The following USP45 variants were observed in gnomAD, a reference collection of about 807,000 sequenced individuals.
USP45 encodes the protein ubiquitin specific peptidase 45.
A neutral mutation model predicts 95.8 loss-of-function variants in USP45; 89 were observed. The ratio of observed to expected loss-of-function variants is 0.93; its 90% confidence interval spans 0.78 to 1.11. The LOEUF (loss-of-function observed/expected upper bound fraction) is 1.11. Ranked by LOEUF, USP45 falls within the 50% of genes least tolerant of loss-of-function variation. USP45 has a pLI of 0.00. For missense variants in USP45, 898 were observed against 942.5 expected, an observed-to-expected ratio of 0.95 and a Z score of 0.62; for synonymous variants, 281 against 316.2, an observed-to-expected ratio of 0.89 and a Z score of 1.18.
intron 13 of USP45, among the ~76,000 whole-genome samples, chr6:99,455,182 C>G (rs1227739758): frequency 6.6e-6 from 1 of 152,062 alleles, no homozygotes; most frequent in Admixed American, 6.6e-5. Context: ...TGGCTCACAC[C>G]TGTAATCCCA....
chr6:99,503,336 T>A (rs1450385498), intron 5 of USP45, among the ~76,000 whole-genome samples: 2 of 152,040 alleles, frequency 1.3e-5, no homozygotes, highest in African/African-American at 4.8e-5. Flanking sequence ...ATTTTTTTTT[T>A]TTTTTCTTGA....
intron 8 of USP45, among the ~76,000 whole-genome samples, chr6:99,479,635 GA>G (rs1355299398): frequency 2.4e-5 from 3 of 124,716 alleles, no homozygotes; most frequent in Admixed American, 7.8e-5. Flanking sequence ...TTTGGATACA[GA>G]AAAAGCATTT....
At position 99,444,870 on chromosome 6, in the gene USP45, T is replaced by C. The variant is rs556389353; in HGVS notation, c.1975+927A>G. On this transcript the variant is annotated intron_variant, in intron 14 of 17. Coordinates refer to ENST00000500704, the MANE Select transcript of USP45 (RefSeq NM_001346022.3). ...TTCTTGGGAACTATGAATAACACAC[T>C]ATTTCTTCAGTGGCAATTATCTCCT... 1.9e-3 allele frequency among the ~76,000 whole-genome samples: 284 copies of C among 152,308 alleles called. 2 individuals are homozygous for C. The highest frequency in any genetic ancestry group is 2.1e-3 in the South Asian group (10 of 4,824).
At position 99,508,662 on chromosome 6, in the gene USP45, C is replaced by T; in HGVS notation, c.221G>A (p.Gly74Glu). Residue 74 changes from glycine (G) to glutamate (E), a missense_variant, in exon 3 of 18, where the codon GGG (glycine) becomes GAG (glutamate). By Grantham distance (98) the Gly-to-Glu change is moderately conservative. Coordinates refer to ENST00000500704, the MANE Select transcript of USP45 (RefSeq NM_001346022.3). ...AATATCAGAAGTAAGTACTAGCTGC[C>T]CATCATAGAATCTTCTTTCTTTTAA... ...ECLKERRFYD[G>E]QLVLTSDIWL... 4 of 1,613,756 alleles carry T rather than the reference C, an allele frequency of 2.5e-6. No individual in the cohort carries two copies. Among genetic ancestry groups the T allele is most frequent in the Middle Eastern group, 1.7e-4 (1 of 6,058 alleles).
At chr6:99,515,192 GACCC>G (rs1278450457) in intron 1 of USP45, 196 bp downstream of exon 1, 1 of 152,338 alleles carries the variant, frequency 6.6e-6, no homozygotes, top group Non-Finnish European at 1.5e-5. Flanking sequence ...CAGCCGCATG[GACCC>G]GGAGCCGGCA....
intron 2 of USP45, among the ~76,000 whole-genome samples, chr6:99,509,246 G>C (rs527437492): frequency 6.6e-6 from 1 of 152,158 alleles, no homozygotes; most frequent in South Asian, 2.1e-4. Context: ...AGATTCACAG[G>C]AAGGTATAAA....
intron 4 of USP45, among the ~76,000 whole-genome samples, chr6:99,506,456 G>A (rs1798545669): frequency 6.6e-6 from 1 of 152,124 alleles, no homozygotes; most frequent in African/African-American, 2.4e-5. Flanking sequence ...CTACAGGCGT[G>A]CGCCACCATG....
intron 8 of USP45, among the ~76,000 whole-genome samples, chr6:99,479,216 T>G (rs1376770678): frequency 1.5e-5 from 1 of 65,190 alleles, no homozygotes; most frequent in Non-Finnish European, 3.2e-5. Context: ...TGTCAAAACT[T>G]ATCCAATAGT....
intron 7 of USP45, among the ~76,000 whole-genome samples, chr6:99,486,141 A>C (rs1284973491): frequency 6.6e-6 from 1 of 152,170 alleles, no homozygotes; most frequent in Non-Finnish European, 1.5e-5. Context: ...CAATAAGGTA[A>C]AAAAATAAAA....
At chr6:99,450,692 G>T (rs1783660189) in intron 13 of USP45, among the ~76,000 whole-genome samples, 1 of 152,164 alleles carries the variant, frequency 6.6e-6, no homozygotes, top group Non-Finnish European at 1.5e-5. Flanking sequence ...TATGAGGCCA[G>T]CATCATCTTG....
intron 5 of USP45, among the ~76,000 whole-genome samples, chr6:99,495,498 C>T (rs1368240826): frequency 1.3e-5 from 2 of 152,174 alleles, no homozygotes; most frequent in Non-Finnish European, 2.9e-5. Context: ...CCTCTGATAA[C>T]TGTCCCCATT....
chr6:99,517,487 T>C (rs1801185441), upstream of USP45, among the ~76,000 whole-genome samples: 2 of 151,912 alleles, frequency 1.3e-5, no homozygotes, highest in Non-Finnish European at 2.9e-5. Context: ...CAGGCTGGAG[T>C]GCAGTGGCAT....
intron 7 of USP45, among the ~76,000 whole-genome samples, chr6:99,485,572 G>C (rs151220526): frequency 1.3e-3 from 198 of 152,304 alleles, no homozygotes; most frequent in African/African-American, 4.4e-3. Context: ...GGGAAGTAGT[G>C]AATGTGGGGG....
chr6:99,455,265 T>C (rs769368034), intron 13 of USP45, among the ~76,000 whole-genome samples: 4 of 151,802 alleles, frequency 2.6e-5, no homozygotes, highest in Non-Finnish European at 4.4e-5. Flanking sequence ...GGGAACATGG[T>C]GAAACCCTGT....
upstream of USP45, chr6:99,515,430 AC>A (rs1441904296): frequency 6.6e-6 from 1 of 152,220 alleles, no homozygotes; most frequent in Non-Finnish European, 1.5e-5. Context: ...ACCTGGGGAG[AC>A]TGCGCCTGCG....
rs150786443 is a variant in USP45, at chr6:99,466,721, A to T, written c.1058T>A (p.Ile353Asn). The change falls in exon 11 of 18, where the codon ATC becomes AAC. Residue 353 changes from isoleucine to asparagine, a missense_variant. Coordinates refer to ENST00000500704, the MANE Select transcript of USP45 (RefSeq NM_001346022.3). ...EGVKMNFIDR[I>N]FIGELTSTVM... ...CGTGCTAGTTAATTCACCAATAAAGATCCGATCTATGAAGTTCATTTTCAC... is the reference window on the plus strand; with the variant it reads ...CGTGCTAGTTAATTCACCAATAAAGTTCCGATCTATGAAGTTCATTTTCAC... The T allele has an allele frequency of 2.0e-5, 33 of 1,613,448 alleles. No individual in the cohort carries two copies. Among genetic ancestry groups the T allele is most frequent in the Non-Finnish European group, 2.8e-5 (33 of 1,179,738 alleles).
intron 13 of USP45, among the ~76,000 whole-genome samples, chr6:99,458,892 A>C (rs1785681377): frequency 6.6e-6 from 1 of 152,248 alleles, no homozygotes; most frequent in Admixed American, 6.5e-5. Context: ...TAGAAAATAG[A>C]GTACAAGTGT....
At chr6:99,435,996 A>G in intron 17 of USP45, 150 bp from the exon 18 acceptor site, 1 of 773,276 alleles carries the variant, frequency 1.3e-6, no homozygotes, top group South Asian at 2.3e-5. Context: ...GCATTTTCCA[A>G]AAAGAACTTT....
intron 7 of USP45, among the ~76,000 whole-genome samples, chr6:99,487,296 C>A (rs1794140956): frequency 6.6e-6 from 1 of 152,108 alleles, no homozygotes; most frequent in Non-Finnish European, 1.5e-5. Flanking sequence ...TTGTTTTAGA[C>A]AAAATCATGA....
Sources: gnomAD v4.1 joint callset for allele counts (sites outside exome capture counted in the v4.1 genomes callset) on GRCh38, gnomAD v4.1.1 for gene constraint, MANE v1.5 for transcripts, NCBI Gene and HGNC (gene_info 2026-07-23, HGNC 2026-07-21) for gene names.